Variants in DAP observed in about 807,000 individuals in gnomAD.
The protein encoded by DAP is death-associated protein 1.
A neutral mutation model predicts 13.8 loss-of-function variants in DAP; 8 were observed. The ratio of observed to expected loss-of-function variants is 0.58; its 90% CI spans 0.34 to 1.05. DAP has a LOEUF of 1.05. DAP is among the 50% of genes least tolerant of loss of function. The probability of loss-of-function intolerance (pLI) is 0.03; values close to 1 mark genes in which losing one functional copy is unlikely to be tolerated. For missense variants in DAP, 106 were observed against 133.2 expected, an observed-to-expected ratio of 0.80 and a Z score of 1.01; for synonymous variants, 47 against 47.5, an observed-to-expected ratio of 0.99 and a Z score of 0.04.
At chr5:10,733,206 G>A (rs1169628956) in intron 2 of DAP, among the ~76,000 whole-genome samples, 1 of 35,790 alleles carries the variant, frequency 2.8e-5, no homozygotes. Context: ...GTGTGTGTGT[G>A]TATACCCTAC....
At position 10,744,144 on chromosome 5, in the gene DAP, G is replaced by C. The variant is rs1226674219; in HGVS notation, c.152+4031C>G. On this transcript the variant is annotated intron_variant, in intron 2 of 3. Coordinates refer to ENST00000230895, the MANE Select transcript of DAP (RefSeq NM_004394.3). ...AATGGGGAAGGAAGCCACCAGAGAT[G>C]AGTCAGTAAATTTAAAACTAGTCTT... Among the ~76,000 whole-genome samples the C allele has an allele frequency of 2.6e-5, 4 of 152,132 alleles. No homozygotes were observed. In the East Asian group the frequency reaches 7.7e-4, roughly 29 times the overall value.
At chr5:10,701,196 A>G (rs2126645279) in intron 2 of DAP, among the ~76,000 whole-genome samples, 1 of 152,350 alleles carries the variant, frequency 6.6e-6, no homozygotes, top group Middle Eastern at 3.4e-3. Flanking sequence ...GTTTAAAGTG[A>G]GATACATGCA....
intron 1 of DAP, among the ~76,000 whole-genome samples, chr5:10,753,812 C>T (rs555373805): frequency 3.3e-5 from 5 of 152,336 alleles, no homozygotes; most frequent in African/African-American, 7.2e-5. Context: ...CAAGTATATG[C>T]TACCTTTGTT....
chr5:10,736,911 C>G (rs547496239), intron 2 of DAP, among the ~76,000 whole-genome samples: 3 of 152,270 alleles, frequency 2.0e-5, no homozygotes, highest in African/African-American at 2.4e-5. Context: ...CAAACAGACA[C>G]TACATGTCAC....
chr5:10,717,845 G>T (rs141337187), intron 2 of DAP, among the ~76,000 whole-genome samples: 43 of 152,308 alleles, frequency 2.8e-4, no homozygotes, highest in African/African-American at 8.7e-4. Flanking sequence ...TCCTAGAAGT[G>T]AAATTGATAG....
intron 1 of DAP, among the ~76,000 whole-genome samples, chr5:10,755,544 G>C (rs138748306): frequency 6.6e-6 from 1 of 152,292 alleles, no homozygotes; most frequent in African/African-American, 2.4e-5. Flanking sequence ...ACAATGAAAA[G>C]CTAGTGTTAT....
At chr5:10,683,354 G>A (rs1404044967) in intron 3 of DAP, 175 bp downstream of exon 3, 1 of 743,744 alleles carries the variant, frequency 1.3e-6, no homozygotes, top group Non-Finnish European at 2.4e-6. Flanking sequence ...CTGGCCTGCG[G>A]TCTGCAGAAG....
chr5:10,684,220 A>AG (rs1280711377), intron 2 of DAP, among the ~76,000 whole-genome samples: 1 of 152,210 alleles, frequency 6.6e-6, no homozygotes, highest in Non-Finnish European at 1.5e-5. Flanking sequence ...TCCCTAAAGC[A>AG]GGGGAGAAGT....
intron 2 of DAP, among the ~76,000 whole-genome samples, chr5:10,686,133 G>A (rs1258788734): frequency 4.6e-5 from 7 of 152,176 alleles, no homozygotes; most frequent in African/African-American, 7.2e-5. Flanking sequence ...GGGGCACCAC[G>A]AACCGTGCCC....
chr5:10,693,867 T>G (rs1738369381), intron 2 of DAP, among the ~76,000 whole-genome samples: 1 of 152,208 alleles, frequency 6.6e-6, no homozygotes, highest in African/African-American at 2.4e-5. Context: ...TTTTTTTTCC[T>G]GAAAAATGAT....
rs1409337925 is a variant in DAP, at chr5:10,681,150, G to A, written c.215C>T (p.Pro72Leu). 1.4e-5 allele frequency: 21 copies of A among 1,516,220 alleles called. No homozygotes were observed. Among genetic ancestry groups the A allele is most frequent in the Non-Finnish European group, 1.8e-5 (20 of 1,134,306 alleles). 93.9% of individuals were successfully genotyped at this position (1,516,220 alleles called of 1,614,324 possible). The stretch of plus-strand genomic sequence containing the variant: ...CTGGTGAGCCACCTGCGCAGCCGCC[G>A]GGGGGAAATCTTTGTCACCCTGTCA... ...VIARGDKDFP[P>L]AAAQVAHQKP... Residue 72 changes from proline (P) to leucine (L), a missense_variant, in exon 4 of 4, where the codon CCG (proline) becomes CTG (leucine). By Grantham distance (98) the Pro-to-Leu change is moderately conservative. Coordinates refer to ENST00000230895, the MANE Select transcript of DAP (RefSeq NM_004394.3).
chr5:10,722,839 T>G (rs565391344), intron 2 of DAP, among the ~76,000 whole-genome samples: 1 of 152,134 alleles, frequency 6.6e-6, no homozygotes, highest in Non-Finnish European at 1.5e-5. Flanking sequence ...CAAATCTTTC[T>G]TGAAATTACT....
chr5:10,744,180 C>T (rs375927099), intron 2 of DAP, among the ~76,000 whole-genome samples: 1 of 152,018 alleles, frequency 6.6e-6, no homozygotes, highest in African/African-American at 2.4e-5. Context: ...GAATGTCTGG[C>T]AAGGAAAAGA....
intron 2 of DAP, among the ~76,000 whole-genome samples, chr5:10,723,734 C>G (rs962097728): frequency 2.6e-5 from 4 of 152,212 alleles, no homozygotes; most frequent in Admixed American, 6.5e-5. Context: ...ATGTGTGAAA[C>G]CAAACTCCTA....
chr5:10,693,064 G>T (rs2126640148), intron 2 of DAP, among the ~76,000 whole-genome samples: 1 of 152,216 alleles, frequency 6.6e-6, no homozygotes, highest in South Asian at 2.1e-4. Context: ...TCCTGGTAGG[G>T]ATTAGGGTCA....
At chr5:10,721,268 C>T (rs1739131966) in intron 2 of DAP, among the ~76,000 whole-genome samples, 2 of 152,304 alleles carry the variant, frequency 1.3e-5, no homozygotes, top group Admixed American at 6.5e-5. Flanking sequence ...ACCATCACCC[C>T]TAATGATCCA....
intron 2 of DAP, among the ~76,000 whole-genome samples, chr5:10,734,625 C>T (rs561042843): frequency 3.9e-4 from 60 of 152,254 alleles, no homozygotes; most frequent in Middle Eastern, 3.4e-3. Flanking sequence ...GTTCCTAGGG[C>T]GACTCTGAGC....
intron 2 of DAP, among the ~76,000 whole-genome samples, chr5:10,746,036 T>G (rs1739896104): frequency 1.3e-5 from 2 of 152,234 alleles, no homozygotes; most frequent in African/African-American, 4.8e-5. Flanking sequence ...CTAATTCGGT[T>G]TGAACATCAC....
chr5:10,726,559 A>G (rs1420161472), intron 2 of DAP, among the ~76,000 whole-genome samples: 1 of 152,002 alleles, frequency 6.6e-6, no homozygotes, highest in Non-Finnish European at 1.5e-5. Context: ...GTGACGGTGA[A>G]GGTGCCGGCC....
Sources: gnomAD v4.1 joint callset for allele counts (sites outside exome capture counted in the v4.1 genomes callset) on GRCh38, gnomAD v4.1.1 for gene constraint, MANE v1.5 for transcripts, NCBI Gene and HGNC (gene_info 2026-07-23, HGNC 2026-07-21) for gene names.